The following S100PBP variants were observed in gnomAD, a reference collection of about 807,000 sequenced individuals.
S100PBP encodes the protein S100P binding protein.
A neutral mutation model predicts 39.9 loss-of-function variants in S100PBP; 15 were observed. The ratio of observed to expected loss-of-function variants is 0.38; its 90% confidence interval spans 0.25 to 0.58. The LOEUF (loss-of-function observed/expected upper bound fraction) is 0.58, where lower values mean the gene tolerates loss of function less well. Among genes scored for constraint, S100PBP ranks in the 20% least tolerant of loss-of-function variants. The pLI, the probability that S100PBP is intolerant of heterozygous loss-of-function variation, is 0.70. For missense variants in S100PBP, 504 were observed against 487.3 expected, an observed-to-expected ratio of 1.03 and a Z score of -0.32; for synonymous variants, 178 against 180.3, an observed-to-expected ratio of 0.99 and a Z score of 0.10.
chr1:32,845,451 A>C (rs951930874), intron 5 of S100PBP, among the ~76,000 whole-genome samples: 5 of 151,832 alleles, frequency 3.3e-5, no homozygotes, highest in Non-Finnish European at 7.4e-5. Context: ...AAAAAAGTTA[A>C]ATAGAGATGG....
At chr1:32,824,827 C>CATATATATATATATATAT (rs56900503) in intron 1 of S100PBP, 178 of 129,574 alleles carry the variant, frequency 1.4e-3, no homozygotes, top group African/African-American at 5.0e-3. Flanking sequence ...TTTTTCTATA[C>CATATATATATATATATAT]ATATATATAT....
rs773790686 is a variant in S100PBP at position 32,828,016 on chromosome 1, T to C, written c.855T>C (p.Ser285=). The part of the protein sequence containing the change: ...SNKQDVLNKD[S]GKMKGHERRL... ...AGCAGGATGTTCTTAACAAGGATTC[T>C]GGGAAGATGAAAGGCCATGAGAGAA... The change falls in exon 4 of 7, where the codon TCT becomes TCC. Residue 285 remains serine, a synonymous_variant. Coordinates refer to ENST00000373475, the MANE Select transcript of S100PBP (RefSeq NM_022753.4). The C allele has an allele frequency of 6.2e-7, 1 of 1,611,634 alleles. No individual in the cohort carries two copies. The highest frequency in any genetic ancestry group is 1.3e-5 in the African/African-American group (1 of 74,962).
chr1:32,852,785 G>T, intron 5 of S100PBP: 1 of 269,316 alleles, frequency 3.7e-6, no homozygotes, highest in Non-Finnish European at 7.3e-6. Context: ...AAACTTCATT[G>T]AGGTAGTGTC....
At chr1:32,841,766 C>A (rs1042421423) in intron 5 of S100PBP, among the ~76,000 whole-genome samples, 4 of 146,514 alleles carry the variant, frequency 2.7e-5, no homozygotes, top group Non-Finnish European at 4.5e-5. Flanking sequence ...ACGGATTATG[C>A]TTTCATGTGG....
chr1:32,828,661 A>T (rs985455370), intron 4 of S100PBP, among the ~76,000 whole-genome samples: 13 of 152,152 alleles, frequency 8.5e-5, no homozygotes, highest in South Asian at 2.1e-4. Flanking sequence ...AGTGAGATTT[A>T]AAAAAATTCT....
intron 5 of S100PBP, among the ~76,000 whole-genome samples, chr1:32,845,516 A>G (rs1365951870): frequency 2.0e-5 from 3 of 152,010 alleles, no homozygotes; most frequent in African/African-American, 7.2e-5. Flanking sequence ...AAGTGCCACA[A>G]TTACAGGCAT....
At chr1:32,816,825 T>C (rs1383377600), upstream of S100PBP, 1 of 408,008 alleles carries the variant, frequency 2.5e-6, no homozygotes, top group Admixed American at 3.7e-5. Context: ...TGAACCGTAA[T>C]GGGTCATTTT....
rs558068424 is a variant in S100PBP at position 32,848,262 on chromosome 1, G to A, written c.1025-4817G>A. 2.6e-4 allele frequency among the ~76,000 whole-genome samples: 40 copies of A among 152,080 alleles called. 1 individual carries two copies. The highest frequency in any genetic ancestry group is 1.4e-3 in the Admixed American group (22 of 15,272). ...GCAGAGTTTGCAGTGAGCCAATATC[G>A]AGTCACTGCACTCCAGCCTGGGCAA... On this transcript the variant is annotated intron_variant, in intron 5 of 6. Coordinates refer to ENST00000373475, the MANE Select transcript of S100PBP (RefSeq NM_022753.4).
chr1:32,816,890 G>A, upstream of S100PBP: 1 of 560,564 alleles, frequency 1.8e-6, no homozygotes, highest in South Asian at 2.1e-5. Flanking sequence ...TATCCCCAGC[G>A]ACTAAGCACC....
At chr1:32,833,882 A>C (rs1426437739) in intron 5 of S100PBP, among the ~76,000 whole-genome samples, 1 of 152,100 alleles carries the variant, frequency 6.6e-6, no homozygotes, top group Non-Finnish European at 1.5e-5. Flanking sequence ...TTTCATGTAA[A>C]ATATTTGAAA....
intron 5 of S100PBP, among the ~76,000 whole-genome samples, chr1:32,847,882 A>C (rs1182255915): frequency 6.6e-6 from 1 of 152,110 alleles, no homozygotes; most frequent in Non-Finnish European, 1.5e-5. Flanking sequence ...ATTGCATGGA[A>C]TAGAGATATT....
chr1:32,832,375 T>C (rs1014226609), intron 5 of S100PBP, among the ~76,000 whole-genome samples: 1 of 152,162 alleles, frequency 6.6e-6, no homozygotes, highest in Non-Finnish European at 1.5e-5. Flanking sequence ...TGTTGATAAA[T>C]GAAGGTGAGT....
intron 1 of S100PBP, among the ~76,000 whole-genome samples, chr1:32,819,403 A>G (rs570830911): frequency 6.6e-6 from 1 of 152,306 alleles, no homozygotes; most frequent in African/African-American, 2.4e-5. Flanking sequence ...CCCCATCTCT[A>G]CTGTAAATAC....
At chr1:32,828,118 TG>T in intron 4 of S100PBP, 37 bp downstream of exon 4, 1 of 1,426,064 alleles carries the variant, frequency 7.0e-7, no homozygotes, top group Non-Finnish European at 9.8e-7. Flanking sequence ...TGATTTATTT[TG>T]GTTCTCTTCA....
At chr1:32,838,304 G>A (rs552531920) in intron 5 of S100PBP, among the ~76,000 whole-genome samples, 23 of 148,462 alleles carry the variant, frequency 1.5e-4, no homozygotes, top group Non-Finnish European at 2.8e-4. Flanking sequence ...ACTGCAGTCC[G>A]GCCTGGGCGA....
chr1:32,849,627 A>AAC (rs2148690605), intron 5 of S100PBP, among the ~76,000 whole-genome samples: 2 of 152,350 alleles, frequency 1.3e-5, no homozygotes, highest in South Asian at 4.1e-4. Flanking sequence ...TAAGTTAGTT[A>AAC]TTAGTGCTAA....
intron 1 of S100PBP, among the ~76,000 whole-genome samples, chr1:32,821,134 T>G (rs1415184262): frequency 6.6e-6 from 1 of 152,168 alleles, no homozygotes; most frequent in East Asian, 1.9e-4. Flanking sequence ...GATGAGATAT[T>G]GTTTTCTTAA....
chr1:32,818,561 T>TA (rs1185941721), intron 1 of S100PBP: 2 of 152,300 alleles, frequency 1.3e-5, no homozygotes, highest in Non-Finnish European at 2.9e-5. Flanking sequence ...TGAAGTGTTT[T>TA]AAAGCACATT....
At chr1:32,838,733 C>T (rs1639958145) in intron 5 of S100PBP, among the ~76,000 whole-genome samples, 1 of 151,940 alleles carries the variant, frequency 6.6e-6, no homozygotes, top group Non-Finnish European at 1.5e-5. Flanking sequence ...ATCCCAGCTA[C>T]TCTGGAGGCT....
Sources: allele counts gnomAD v4.1 joint callset (sites outside exome capture counted in the v4.1 genomes callset), GRCh38; gene constraint gnomAD v4.1.1; transcripts MANE v1.5; gene names NCBI Gene and HGNC (gene_info 2026-07-23, HGNC 2026-07-21).